CARMIL1: variants seen among roughly 807,000 people sequenced by gnomAD.
CARMIL1 encodes capping protein regulator and myosin 1 linker 1.
CARMIL1 carries 90 observed loss-of-function variants against 177.1 expected under a neutral mutation model. That is an observed-to-expected ratio of 0.51 (90% CI 0.43 to 0.61). CARMIL1 has a LOEUF of 0.61. Ranked by LOEUF, CARMIL1 falls within the 20% of genes least tolerant of loss-of-function variation. The probability of loss-of-function intolerance (pLI) is 0.00; values close to 1 mark genes in which losing one functional copy is unlikely to be tolerated. For synonymous variants in CARMIL1, 577 were observed against 606.2 expected (o/e 0.95, Z 0.71); for missense variants, 1,380 against 1,667.0 (o/e 0.83, Z 3.00).
At chr6:25,284,194 A>G (rs1019938512) in intron 1 of CARMIL1, among the ~76,000 whole-genome samples, 1 of 152,202 alleles carries the variant, frequency 6.6e-6, no homozygotes, top group African/African-American at 2.4e-5. Flanking sequence ...CATGCAACGT[A>G]GTGTTTCATC....
intron 8 of CARMIL1, among the ~76,000 whole-genome samples, chr6:25,453,867 G>A (rs954331166): frequency 2.6e-5 from 4 of 151,748 alleles, no homozygotes; most frequent in Admixed American, 1.3e-4. Context: ...AGCTTGAGGC[G>A]TTTTTTTTGG....
chr6:25,345,537 T>C (rs758130965), intron 2 of CARMIL1, among the ~76,000 whole-genome samples: 2 of 152,182 alleles, frequency 1.3e-5, no homozygotes, highest in Non-Finnish European at 2.9e-5. Flanking sequence ...CCAATCTGCT[T>C]CCTCCACAGT....
Position 25,586,227 on chromosome 6 carries a change from C to T in CARMIL1, c.3006+4788C>T, listed in dbSNP as rs1197324412. 8.6e-5 allele frequency among the ~76,000 whole-genome samples: 13 copies of T among 151,152 alleles called. No individual in the cohort carries two copies. The East Asian group carries it at 2.4e-3, about 27-fold the overall frequency. On this transcript the variant is annotated intron_variant, in intron 31 of 36. Transcript: ENST00000329474. Reference sequence around the variant, plus strand: ...GTGGCTGCCGGGCGGAGGGGCTCCTCACTTCTCAGACGGGGTGGCCGGGCA... The same window carrying T: ...GTGGCTGCCGGGCGGAGGGGCTCCTTACTTCTCAGACGGGGTGGCCGGGCA...
chr6:25,282,139 G>T (rs994117682), intron 1 of CARMIL1, among the ~76,000 whole-genome samples: 2 of 134,862 alleles, frequency 1.5e-5, no homozygotes, highest in African/African-American at 5.5e-5. Flanking sequence ...AAAAAAAAAA[G>T]TGTTATAGAC....
At chr6:25,501,943 T>C (rs1027672749) in intron 17 of CARMIL1, among the ~76,000 whole-genome samples, 2 of 150,320 alleles carry the variant, frequency 1.3e-5, no homozygotes, top group African/African-American at 4.9e-5. Flanking sequence ...TTAACAGTCT[T>C]GTTGTTTTGA....
chr6:25,597,080 G>A (rs1414265469), intron 32 of CARMIL1, among the ~76,000 whole-genome samples: 3 of 152,118 alleles, frequency 2.0e-5, no homozygotes, highest in Non-Finnish European at 2.9e-5. Context: ...TTGGCTTCTG[G>A]TGAGGGCCTC....
intron 16 of CARMIL1, among the ~76,000 whole-genome samples, chr6:25,497,564 C>T (rs1443362461): frequency 1.3e-5 from 2 of 152,066 alleles, no homozygotes; most frequent in African/African-American, 4.8e-5. Context: ...GAGGAAGAAC[C>T]CAGAGGGGGT....
intron 2 of CARMIL1, among the ~76,000 whole-genome samples, chr6:25,339,305 C>G (rs9379757): frequency 0.25 from 38,040 of 152,120 alleles, 6,007 homozygotes; most frequent in Non-Finnish European, 0.35. Context: ...TTCTGACTAG[C>G]GTATGAGGTT....
intron 17 of CARMIL1, among the ~76,000 whole-genome samples, chr6:25,508,037 TATG>T (rs1805094261): frequency 6.6e-6 from 1 of 152,214 alleles, no homozygotes; most frequent in African/African-American, 2.4e-5. Flanking sequence ...CCCCAATTTT[TATG>T]ATTAGATACA....
chr6:25,538,754 GC>G (rs1191483966), intron 25 of CARMIL1, among the ~76,000 whole-genome samples: 1 of 152,064 alleles, frequency 6.6e-6, no homozygotes, highest in African/African-American at 2.4e-5. Flanking sequence ...CTCTTCCTGT[GC>G]CCCTAGAAAG....
At chr6:25,517,815 C>T (rs1806160997) in intron 22 of CARMIL1, among the ~76,000 whole-genome samples, 1 of 152,094 alleles carries the variant, frequency 6.6e-6, no homozygotes, top group African/African-American at 2.4e-5. Flanking sequence ...AAGCTGAGGT[C>T]CAGAAAATAA....
At position 25,600,568 on chromosome 6, in the gene CARMIL1, A is replaced by G; in HGVS notation, c.3374A>G (p.Glu1125Gly). Residue 1125 changes from glutamate to glycine, a missense_variant, in exon 33 of 37, where the codon GAG (glutamate) becomes GGG (glycine). By Grantham distance (98) the Glu-to-Gly change is moderately conservative. Coordinates refer to ENST00000329474, the MANE Select transcript of CARMIL1 (RefSeq NM_017640.6). ...EHNGNSERIE[E>G]IKTPDSFEES... ...AATGGCAATTCTGAACGGATAGAGG[A>G]GATAAAAACACCTGACTCCTTTGAA... The G allele has an allele frequency of 6.2e-7, 1 of 1,613,984 alleles. No individual in the cohort carries two copies. Among genetic ancestry groups the G allele is most frequent in the Non-Finnish European group, 8.5e-7 (1 of 1,179,902 alleles).
At chr6:25,467,526 A>G (rs116636774) in intron 9 of CARMIL1, among the ~76,000 whole-genome samples, 2,673 of 152,134 alleles carry the variant, frequency 0.018, 65 homozygotes, top group African/African-American at 0.053. Flanking sequence ...GAGTGTCCCA[A>G]CCTGCAATTA....
intron 12 of CARMIL1, among the ~76,000 whole-genome samples, chr6:25,485,288 C>G (rs1802522730): frequency 6.6e-6 from 1 of 152,124 alleles, no homozygotes; most frequent in South Asian, 2.1e-4. Flanking sequence ...AGGACAGCCC[C>G]ACGTTGCCTG....
In CARMIL1 at chr6:25,379,372, C is replaced by T. The variant is rs1186269254; in HGVS notation, c.139-40742C>T. On this transcript the variant is annotated intron_variant, in intron 2 of 36. Transcript: ENST00000329474. ...GTACAATGCCAGGGAACACCATTTA[C>T]ATCATCTTTGAGAATGGGTCCCTCT... is the stretch of plus-strand genomic sequence containing the variant. Among the ~76,000 whole-genome samples, 3 of 152,172 alleles carry T rather than the reference C, an allele frequency of 2.0e-5. No homozygotes were observed. The East Asian group carries it at 5.8e-4, about 29-fold the overall frequency.
intron 2 of CARMIL1, among the ~76,000 whole-genome samples, chr6:25,340,301 C>T (rs1786766136): frequency 6.6e-6 from 1 of 152,186 alleles, no homozygotes; most frequent in African/African-American, 2.4e-5. Context: ...CCATTAAAAC[C>T]TTCAGTGTTC....
At chr6:25,423,635 G>GGGAGTTACTGAAGAACA (rs1427618313) in intron 3 of CARMIL1, among the ~76,000 whole-genome samples, 1 of 152,110 alleles carries the variant, frequency 6.6e-6, no homozygotes, top group African/African-American at 2.4e-5. Context: ...GGGGAAGAGC[G>GGGAGTTACTGAAGAACA]GGAGTTACTG....
Position 25,509,814 on chromosome 6 carries a change from C to A in CARMIL1, c.1477+77C>A. The A allele has an allele frequency of 2.9e-6, 3 of 1,017,718 alleles. No homozygotes were observed. Among genetic ancestry groups the A allele is most frequent in the South Asian group, 1.5e-5 (1 of 68,138 alleles). 63.0% of individuals were successfully genotyped at this position (1,017,718 alleles called of 1,614,324 possible). ...TAATAAGGGGAAAATAATCTTCTAC[C>A]CAAATCCAAACAATAGCTTAATAAA... On this transcript the variant is annotated intron_variant, in intron 18 of 36. Transcript: ENST00000329474. The surrounding 1 kb of genome is among the most constrained non-coding windows in gnomAD (Gnocchi z 4.1).
intron 2 of CARMIL1, among the ~76,000 whole-genome samples, chr6:25,407,990 T>C (rs1794539478): frequency 6.6e-6 from 1 of 152,180 alleles, no homozygotes; most frequent in Admixed American, 6.5e-5. Context: ...CCAGCCTCTC[T>C]GGCCCGTGGA....
Sources: allele counts gnomAD v4.1 joint callset (sites outside exome capture counted in the v4.1 genomes callset), GRCh38; gene constraint gnomAD v4.1.1; non-coding constraint Gnocchi (gnomAD v3.1); transcripts MANE v1.5; gene names NCBI Gene and HGNC (gene_info 2026-07-23, HGNC 2026-07-21).